CBFB: variants seen among roughly 807,000 people sequenced by gnomAD.
CBFB encodes CBF-beta.
CBFB carries 9 observed loss-of-function variants against 30.4 expected under a neutral mutation model. That is an observed-to-expected ratio of 0.30 (90% confidence interval 0.18 to 0.52). CBFB has a LOEUF of 0.52. CBFB is among the 20% of genes least tolerant of loss of function. CBFB has a pLI of 0.97. For synonymous variants in CBFB, 94 were observed against 84.0 expected, an observed-to-expected ratio of 1.12 and a Z score of -0.65; for missense variants, 170 against 244.0, an observed-to-expected ratio of 0.70 and a Z score of 2.02.
chr16:67,084,994 C>T (rs775237114), intron 5 of CBFB, among the ~76,000 whole-genome samples: 2 of 152,074 alleles, frequency 1.3e-5, no homozygotes, highest in African/African-American at 2.4e-5. Context: ...CCACTTTTAG[C>T]GTATGTGCCA....
In CBFB at chr16:67,100,508, T is replaced by G. The variant is rs1022243933; in HGVS notation, c.*1730T>G. The G allele has an allele frequency of 4.4e-6, 1 of 228,506 alleles. No homozygotes were observed. Among genetic ancestry groups the G allele is most frequent in the Non-Finnish European group, 8.7e-6 (1 of 114,928 alleles). The allele number at this position is 228,506 out of a possible 1,614,324, so 14.2% of individuals were successfully genotyped here. A position where few individuals can be genotyped will look rare whatever the true frequency, so the allele number is the denominator to read the frequency against. On this transcript the variant is annotated 3_prime_UTR_variant, in exon 6 of 6. Coordinates refer to ENST00000412916, the MANE Select transcript of CBFB (RefSeq NM_022845.3). ...ATGAATTTGGTTGGTTTTGGTGTTG[T>G]ACAGCTCACATGTTTACACACTCAG...
chr16:67,046,255 C>A (rs1403694412), intron 3 of CBFB, among the ~76,000 whole-genome samples: 1 of 152,048 alleles, frequency 6.6e-6, no homozygotes, highest in African/African-American at 2.4e-5. Context: ...CACAGGCACG[C>A]GCCACCATGC....
At chr16:67,062,589 C>G (rs926885487) in intron 3 of CBFB, among the ~76,000 whole-genome samples, 1 of 151,412 alleles carries the variant, frequency 6.6e-6, no homozygotes, top group African/African-American at 2.4e-5. Context: ...GTCAGGAGTT[C>G]GAGAGCAGCC....
At chr16:67,075,139 G>A (rs1961350232) in intron 4 of CBFB, among the ~76,000 whole-genome samples, 1 of 151,980 alleles carries the variant, frequency 6.6e-6, no homozygotes, top group East Asian at 1.9e-4. Flanking sequence ...TCAGTGAGCC[G>A]AGATCACGTC....
In CBFB at chr16:67,067,622, C is replaced by T. The variant is rs75438304; in HGVS notation, c.399+824C>T. On this transcript the variant is annotated intron_variant, in intron 4 of 5. Coordinates refer to ENST00000412916, the MANE Select transcript of CBFB (RefSeq NM_022845.3). ...TGTGTCATTTTAGTCAGGAGCTGCT[C>T]CCATTCCCCAGCTCTGTGGTCCCTC... Among the ~76,000 whole-genome samples the T allele has an allele frequency of 3.0e-3, 460 of 152,316 alleles. 6 individuals are homozygous for T. The East Asian group carries it at 0.059, about 20-fold the overall frequency.
intron 3 of CBFB, among the ~76,000 whole-genome samples, chr16:67,066,464 G>T (rs1961058701): frequency 6.6e-6 from 1 of 151,910 alleles, no homozygotes; most frequent in South Asian, 2.1e-4. Flanking sequence ...GGAGTCCGAG[G>T]TGGGAGAATT....
rs1345149673 is a variant in CBFB, at chr16:67,100,329, A to G, written c.*1551A>G. ...GAGGGAGGTGTTACTTTCATTGTAT[A>G]TAGGTCTTATTTCATAAACAGATAT... On this transcript the variant is annotated 3_prime_UTR_variant, in exon 6 of 6. Coordinates refer to ENST00000412916, the MANE Select transcript of CBFB (RefSeq NM_022845.3). 9.0e-6 allele frequency: 2 copies of G among 222,540 alleles called. No individual in the cohort carries two copies. The highest frequency in any genetic ancestry group is 1.8e-5 in the Non-Finnish European group (2 of 111,222). The allele number at this position is 222,540 out of a possible 1,614,324, so 13.8% of individuals were successfully genotyped here. A position where few individuals can be genotyped will look rare whatever the true frequency, so the allele number is the denominator to read the frequency against.
intron 3 of CBFB, among the ~76,000 whole-genome samples, chr16:67,039,109 T>C (rs1340871937): frequency 6.6e-6 from 1 of 152,190 alleles, no homozygotes; most frequent in Non-Finnish European, 1.5e-5. Flanking sequence ...ATTTTTATCA[T>C]TGTGTATATA....
chr16:67,050,079 A>C (rs142345706), intron 3 of CBFB, among the ~76,000 whole-genome samples: 16 of 150,882 alleles, frequency 1.1e-4, no homozygotes, highest in Non-Finnish European at 2.2e-4. Context: ...AGTTGATGCA[A>C]ACTCCACATA....
At chr16:67,076,873 T>G (rs1961413568) in intron 4 of CBFB, among the ~76,000 whole-genome samples, 1 of 152,176 alleles carries the variant, frequency 6.6e-6, no homozygotes, top group Non-Finnish European at 1.5e-5. Context: ...ACTCAAGTTT[T>G]CTAAAAATCC....
intron 1 of CBFB, 69 bp from the exon 2 acceptor site, chr16:67,029,658 G>A (rs1200872351): frequency 1.4e-6 from 2 of 1,438,012 alleles, no homozygotes; most frequent in East Asian, 2.6e-5. Context: ...TCGGCGCTGC[G>A]CTGGGAGGGC....
At chr16:67,077,730 A>G (rs1307135581) in intron 4 of CBFB, among the ~76,000 whole-genome samples, 1 of 152,192 alleles carries the variant, frequency 6.6e-6, no homozygotes, top group Non-Finnish European at 1.5e-5. Context: ...GCAGAAAGGT[A>G]AGTGTTACCG....
Position 67,098,739 on chromosome 16 carries a change from T to G in CBFB, c.525T>G (p.Gly175=), listed in dbSNP as rs766280366. 1.2e-6 allele frequency: 2 copies of G among 1,611,214 alleles called. No individual in the cohort carries two copies. The highest frequency in any genetic ancestry group is 8.5e-7 in the Non-Finnish European group (1 of 1,177,406). Residue 175 remains glycine (G), a synonymous_variant, in exon 6 of 6, where the codon GGT becomes GGG. Transcript: ENST00000412916. ...EARRQQDPSP[G]SNLGGGDDLK... ...GAAGACAACAAGACCCTAGTCCTGG[T>G]TCCAATTTAGGTGGTGGTGATGACC...
chr16:67,090,706 T>C (rs1961857624), intron 5 of CBFB, among the ~76,000 whole-genome samples: 1 of 152,220 alleles, frequency 6.6e-6, no homozygotes, highest in African/African-American at 2.4e-5. Flanking sequence ...TAAAAATGCC[T>C]ACATTTGGTT....
chr16:67,047,199 G>C (rs28432074), intron 3 of CBFB, among the ~76,000 whole-genome samples: 31,129 of 151,552 alleles, frequency 0.21, 6,167 homozygotes, highest in African/African-American at 0.52. Context: ...CCACTGCACT[G>C]TAGCCTGGGC....
chr16:67,044,018 G>A (rs1966579527), intron 3 of CBFB, among the ~76,000 whole-genome samples: 1 of 152,204 alleles, frequency 6.6e-6, no homozygotes. Context: ...TCATTCTTAA[G>A]TTAAAATTGT....
intron 3 of CBFB, among the ~76,000 whole-genome samples, chr16:67,049,187 G>A (rs926988462): frequency 1.3e-5 from 2 of 151,192 alleles, no homozygotes; most frequent in Non-Finnish European, 2.9e-5. Flanking sequence ...TCAGAACTCT[G>A]AACCATTTTA....
chr16:67,053,065 C>T (rs1045423460), intron 3 of CBFB, among the ~76,000 whole-genome samples: 6 of 151,442 alleles, frequency 4.0e-5, no homozygotes, highest in Admixed American at 1.3e-4. Flanking sequence ...TTCCTCAACC[C>T]GTCTCCCCCC....
intron 5 of CBFB, among the ~76,000 whole-genome samples, chr16:67,090,001 C>G (rs1961837376): frequency 6.6e-6 from 1 of 152,076 alleles, no homozygotes; most frequent in South Asian, 2.1e-4. Context: ...CTATGAAAGT[C>G]GAAGATACTA....
Sources: gnomAD v4.1 joint callset for allele counts (sites outside exome capture counted in the v4.1 genomes callset) on GRCh38, gnomAD v4.1.1 for gene constraint, MANE v1.5 for transcripts, NCBI Gene and HGNC (gene_info 2026-07-23, HGNC 2026-07-21) for gene names.